The following PDE4D variants were observed in gnomAD, a reference collection of about 807,000 sequenced individuals.
PDE4D encodes the protein 3',5'-cyclic-AMP phosphodiesterase 4D.
In PDE4D, 24 loss-of-function variants were observed where a neutral mutation model predicts 87.4. The ratio of observed to expected loss-of-function variants is 0.27; its 90% confidence interval spans 0.20 to 0.39. PDE4D has a LOEUF of 0.39. Ranked by LOEUF, PDE4D falls within the 10% of genes least tolerant of loss-of-function variation. The pLI is 1.00. For synonymous variants in PDE4D, 384 were observed against 383.2 expected (o/e 1.00, Z -0.02); for missense variants, 714 against 1,041.0 (o/e 0.69, Z 4.32).
chr5:60,446,471 G>A lies in PDE4D; in HGVS notation c.-90+41471C>T, dbSNP rs531130066. Reference sequence around the variant, plus strand: ...ATGTTCACACTAGTTCGTTAAATGGGGGGGAAAACAGACTTCAAAATCATA... The same window carrying A: ...ATGTTCACACTAGTTCGTTAAATGGAGGGGAAAACAGACTTCAAAATCATA... On this transcript the variant is annotated intron_variant, in intron 1 of 16. Coordinates refer to the PDE4D transcript ENST00000502484. Among the ~76,000 whole-genome samples, 17 of 152,198 alleles carry A rather than the reference G, an allele frequency of 1.1e-4. No individual in the cohort carries two copies. In the South Asian group the frequency reaches 3.1e-3, roughly 28 times the overall value.
chr5:59,926,726 A>C (rs1755331122), intron 3 of PDE4D, among the ~76,000 whole-genome samples: 1 of 152,176 alleles, frequency 6.6e-6, no homozygotes, highest in Non-Finnish European at 1.5e-5. Flanking sequence ...TAGAAGTATC[A>C]TTAGAGGCTA....
chr5:59,214,958 GA>G (rs1311879149), intron 2 of PDE4D, among the ~76,000 whole-genome samples: 2 of 152,162 alleles, frequency 1.3e-5, no homozygotes, highest in African/African-American at 2.4e-5. Flanking sequence ...TGGGTGTCAT[GA>G]AAAGATGGTG....
intron 1 of PDE4D, among the ~76,000 whole-genome samples, chr5:60,501,228 C>T (rs1273429126): frequency 6.6e-6 from 1 of 152,006 alleles, no homozygotes; most frequent in Admixed American, 6.6e-5. Context: ...TCAATTCCCA[C>T]CTATGAGTAA....
intron 1 of PDE4D, among the ~76,000 whole-genome samples, chr5:59,345,824 C>G (rs935670163): frequency 2.0e-5 from 3 of 152,114 alleles, no homozygotes; most frequent in African/African-American, 7.2e-5. Flanking sequence ...TAACCTATGA[C>G]CCAGAAATCC....
chr5:59,401,209 C>T (rs1034930683), intron 1 of PDE4D, among the ~76,000 whole-genome samples: 12 of 152,144 alleles, frequency 7.9e-5, no homozygotes, highest in Non-Finnish European at 1.5e-4. Context: ...CTTTGGGTGG[C>T]CAAGGCAGGA....
chr5:59,977,002 C>T (rs1313962413), intron 3 of PDE4D, among the ~76,000 whole-genome samples: 4 of 152,220 alleles, frequency 2.6e-5, no homozygotes, highest in African/African-American at 9.6e-5. Flanking sequence ...TCTCTCTTTT[C>T]CTCAGGTCTC....
At chr5:59,761,501 A>G (rs1761962646) in intron 1 of PDE4D, among the ~76,000 whole-genome samples, 1 of 152,132 alleles carries the variant, frequency 6.6e-6, no homozygotes, top group African/African-American at 2.4e-5. Flanking sequence ...ACAGCTGCAC[A>G]AAAATATTTT....
rs143651288 is a variant in PDE4D at position 58,974,024 on chromosome 5, A to T, written c.*640T>A. 1 of 152,630 alleles carries T rather than the reference A, an allele frequency of 6.6e-6. No individual in the cohort carries two copies. Among genetic ancestry groups the T allele is most frequent in the Non-Finnish European group, 1.5e-5 (1 of 68,036 alleles). 9.5% of individuals were successfully genotyped at this position (152,630 alleles called of 1,614,324 possible). A position where few individuals can be genotyped will look rare whatever the true frequency, so the allele number is the denominator to read the frequency against. ...TAACCAGTGGCAGATGAAGTTCTGA[A>T]CATAGTTTTTTTTAAATATAATACC... On this transcript the variant is annotated 3_prime_UTR_variant, in exon 15 of 15. Coordinates refer to ENST00000340635, the MANE Select transcript of PDE4D (RefSeq NM_001104631.2).
At chr5:59,705,664 C>T (rs1580554869) in intron 1 of PDE4D, among the ~76,000 whole-genome samples, 1 of 152,132 alleles carries the variant, frequency 6.6e-6, no homozygotes, top group South Asian at 2.1e-4. Flanking sequence ...GTGCCCAGAA[C>T]CTATCTGGGT....
At chr5:59,826,949 G>A (rs1910789) in intron 1 of PDE4D, among the ~76,000 whole-genome samples, 103,641 of 151,852 alleles carry the variant, frequency 0.68, 37,090 homozygotes, top group African/African-American at 0.91. Flanking sequence ...AATGTTACAG[G>A]TGTCACAGGA....
intron 6 of PDE4D, among the ~76,000 whole-genome samples, chr5:59,034,027 TTCA>T (rs1758061441): frequency 6.6e-6 from 1 of 152,162 alleles, no homozygotes; most frequent in Admixed American, 6.5e-5. Context: ...GGCTCTACTT[TTCA>T]GTGAAAGAAA....
At position 59,076,758 on chromosome 5, in the gene PDE4D, C is replaced by T. The variant is rs573249252; in HGVS notation, c.809-37787G>A. ...GATAACACATACAAACTAATCTCTT[C>T]TGCCTGTCTCTACCTGATCACTCCC... On this transcript the variant is annotated intron_variant, in intron 5 of 14. Coordinates refer to ENST00000340635, the MANE Select transcript of PDE4D (RefSeq NM_001104631.2). 4.6e-5 allele frequency among the ~76,000 whole-genome samples: 7 copies of T among 152,232 alleles called. No homozygotes were observed. The South Asian group carries it at 1.2e-3, about 27-fold the overall frequency.
chr5:60,174,445 A>C (rs567812130), intron 2 of PDE4D, among the ~76,000 whole-genome samples: 49 of 152,184 alleles, frequency 3.2e-4, no homozygotes, highest in African/African-American at 1.2e-3. Context: ...GATTAGCTAA[A>C]TTGCAATTGA....
chr5:59,325,371 T>C (rs147634626), intron 1 of PDE4D, among the ~76,000 whole-genome samples: 72 of 152,320 alleles, frequency 4.7e-4, no homozygotes, highest in Non-Finnish European at 7.8e-4. Context: ...TTCTGCAGAA[T>C]ATCTTGTTAG....
intron 1 of PDE4D, among the ~76,000 whole-genome samples, chr5:59,845,918 T>C (rs1743773844): frequency 6.6e-6 from 1 of 152,080 alleles, no homozygotes; most frequent in East Asian, 1.9e-4. Context: ...GAAGCAGTTA[T>C]GTGCTGGAGC....
chr5:59,068,062 C>G (rs1764198309), intron 5 of PDE4D, among the ~76,000 whole-genome samples: 1 of 152,122 alleles, frequency 6.6e-6, no homozygotes. Context: ...ACCACATTGA[C>G]TTGAGGTCCA....
At chr5:60,359,227 C>A (rs1218125616) in intron 1 of PDE4D, among the ~76,000 whole-genome samples, 2 of 152,062 alleles carry the variant, frequency 1.3e-5, no homozygotes, top group African/African-American at 2.4e-5. Context: ...GGCAACATGA[C>A]AAAACCCCAT....
intron 1 of PDE4D, among the ~76,000 whole-genome samples, chr5:59,228,942 C>T (rs1308666030): frequency 4.6e-5 from 7 of 152,050 alleles, no homozygotes; most frequent in African/African-American, 1.7e-4. Context: ...ATGTTACCTT[C>T]ATGAGATATT....
At chr5:59,239,303 A>T (rs1757153096) in intron 1 of PDE4D, among the ~76,000 whole-genome samples, 1 of 152,092 alleles carries the variant, frequency 6.6e-6, no homozygotes. Context: ...ATGCCTCCTC[A>T]CCGGAGATCT....
Sources: allele counts gnomAD v4.1 joint callset (sites outside exome capture counted in the v4.1 genomes callset), GRCh38; gene constraint gnomAD v4.1.1; transcripts MANE v1.5; gene names NCBI Gene and HGNC (gene_info 2026-07-23, HGNC 2026-07-21).